The following FRMD4A variants were observed in gnomAD, a reference collection of about 807,000 sequenced individuals.
FRMD4A encodes the protein FERM domain containing 4A, also known as FERM domain-containing protein 4A.
A neutral mutation model predicts 129.1 loss-of-function variants in FRMD4A; 29 were observed. That is an observed-to-expected ratio of 0.22 (90% CI 0.17 to 0.31). The LOEUF (loss-of-function observed/expected upper bound fraction) is 0.31, where lower values mean the gene tolerates loss of function less well. Among genes scored for constraint, FRMD4A ranks in the 10% least tolerant of loss-of-function variants. The pLI is 1.00. For synonymous variants in FRMD4A, 634 were observed against 571.6 expected, an observed-to-expected ratio of 1.11 and a Z score of -1.56; for missense variants, 1,272 against 1,375.8, an observed-to-expected ratio of 0.92 and a Z score of 1.19.
intron 2 of FRMD4A, among the ~76,000 whole-genome samples, chr10:14,134,269 ATG>A (rs1839416833): frequency 6.6e-6 from 1 of 151,622 alleles, no homozygotes; most frequent in African/African-American, 2.4e-5. Flanking sequence ...GGATGGATGG[ATG>A]GATGGATGGA....
chr10:13,918,126 C>T (rs1413238341), intron 2 of FRMD4A, among the ~76,000 whole-genome samples: 2 of 152,198 alleles, frequency 1.3e-5, no homozygotes, highest in Non-Finnish European at 2.9e-5. Flanking sequence ...GTTTTCATTA[C>T]TTCCTATATT....
intron 12 of FRMD4A, among the ~76,000 whole-genome samples, chr10:13,736,352 G>T (rs77349569): frequency 6.6e-6 from 1 of 152,090 alleles, no homozygotes; most frequent in African/African-American, 2.4e-5. Flanking sequence ...GCCAGAAAAG[G>T]TAAGAACAGG....
chr10:14,167,473 G>A (rs1236524542), intron 2 of FRMD4A, among the ~76,000 whole-genome samples: 2 of 130,068 alleles, frequency 1.5e-5, no homozygotes, highest in Non-Finnish European at 3.1e-5. Context: ...GGAGGCAGAA[G>A]TTGCAGTGAG....
At chr10:14,176,553 C>T (rs1429329438) in intron 2 of FRMD4A, among the ~76,000 whole-genome samples, 1 of 139,918 alleles carries the variant, frequency 7.1e-6, no homozygotes, top group Non-Finnish European at 1.5e-5. Flanking sequence ...CAGCTCACTG[C>T]TATCTCCGCC....
At chr10:13,884,862 A>G (rs1267017291) in intron 2 of FRMD4A, among the ~76,000 whole-genome samples, 1 of 152,240 alleles carries the variant, frequency 6.6e-6, no homozygotes, top group Non-Finnish European at 1.5e-5. Context: ...GTGAAATATC[A>G]GAGCTAACAT....
intron 2 of FRMD4A, among the ~76,000 whole-genome samples, chr10:14,060,040 CA>C (rs1299091639): frequency 6.6e-6 from 1 of 152,220 alleles, no homozygotes; most frequent in African/African-American, 2.4e-5. Context: ...TCTAGTTCCA[CA>C]GTCTATACCT....
chr10:13,895,896 C>T (rs1372970888), intron 2 of FRMD4A, among the ~76,000 whole-genome samples: 1 of 152,154 alleles, frequency 6.6e-6, no homozygotes, highest in African/African-American at 2.4e-5. Flanking sequence ...GACATTTATG[C>T]AGCCAACAAA....
intron 2 of FRMD4A, among the ~76,000 whole-genome samples, chr10:14,053,761 A>G (rs1834372728): frequency 6.6e-6 from 1 of 152,116 alleles, no homozygotes; most frequent in African/African-American, 2.4e-5. Context: ...GCTCATGCCT[A>G]TAATGAAAGT....
chr10:14,109,005 G>C (rs1837731285), intron 2 of FRMD4A, among the ~76,000 whole-genome samples: 1 of 152,004 alleles, frequency 6.6e-6, no homozygotes, highest in Non-Finnish European at 1.5e-5. Flanking sequence ...GTACTTTCTT[G>C]ATAACATTCA....
chr10:13,984,685 C>T (rs949278519), intron 2 of FRMD4A, among the ~76,000 whole-genome samples: 5 of 152,286 alleles, frequency 3.3e-5, no homozygotes, highest in South Asian at 2.1e-4. Flanking sequence ...AGGGTTCATC[C>T]GTGGTGTAGC....
At chr10:14,306,908 A>C (rs1183138297) in intron 2 of FRMD4A, among the ~76,000 whole-genome samples, 2 of 152,218 alleles carry the variant, frequency 1.3e-5, no homozygotes, top group Non-Finnish European at 2.9e-5. Context: ...GAGAGAAGGC[A>C]GAGGAACTAA....
chr10:13,995,962 A>G (rs1197458064), intron 2 of FRMD4A, among the ~76,000 whole-genome samples: 1 of 152,098 alleles, frequency 6.6e-6, no homozygotes, highest in African/African-American at 2.4e-5. Context: ...ATGCTGCTAT[A>G]ACAAATCCCA....
intron 2 of FRMD4A, among the ~76,000 whole-genome samples, chr10:14,009,936 G>A (rs749500580): frequency 5.3e-5 from 8 of 152,148 alleles, no homozygotes; most frequent in Non-Finnish European, 1.0e-4. Flanking sequence ...CAGAGCATTG[G>A]CGGGGGGTGG....
At chr10:14,030,651 A>G (rs940038825) in intron 2 of FRMD4A, among the ~76,000 whole-genome samples, 9 of 152,188 alleles carry the variant, frequency 5.9e-5, no homozygotes, top group African/African-American at 2.2e-4. Context: ...TGCTCCAGCT[A>G]TCTCTTGGAG....
chr10:13,982,042 C>A (rs1008425061), intron 2 of FRMD4A, among the ~76,000 whole-genome samples: 14 of 152,186 alleles, frequency 9.2e-5, no homozygotes, highest in Admixed American at 5.9e-4. Flanking sequence ...CCTCATCCTC[C>A]CACAGGCGTA....
rs548992016 is a variant in FRMD4A, at chr10:14,073,732, C to A, written c.46-214820G>T. 2.0e-5 allele frequency among the ~76,000 whole-genome samples: 3 copies of A among 152,242 alleles called. No individual in the cohort carries two copies. The South Asian group carries it at 6.2e-4, about 32-fold the overall frequency. On this transcript the variant is annotated intron_variant, in intron 2 of 24. Coordinates refer to ENST00000357447, the MANE Select transcript of FRMD4A (RefSeq NM_018027.5). ...ACCACCACCGGGATCCTGTTGTGAC[C>A]TACCCACTGGTCAAGATGAAATCCC...
chr10:14,071,557 A>T (rs1302521291), intron 2 of FRMD4A, among the ~76,000 whole-genome samples: 1 of 152,240 alleles, frequency 6.6e-6, no homozygotes, highest in East Asian at 1.9e-4. Context: ...TTTAGGAAGA[A>T]AAAAAGACCT....
chr10:14,294,348 G>A (rs899188704), intron 2 of FRMD4A, among the ~76,000 whole-genome samples: 1 of 152,136 alleles, frequency 6.6e-6, no homozygotes, highest in South Asian at 2.1e-4. Flanking sequence ...TGCTTAGTGT[G>A]AACTAATAAA....
chr10:14,204,378 G>T (rs1480732238), intron 2 of FRMD4A, among the ~76,000 whole-genome samples: 1 of 151,996 alleles, frequency 6.6e-6, no homozygotes, highest in Admixed American at 6.6e-5. Context: ...GCACCGAACT[G>T]TGATCAGCCA....
Sources: allele counts gnomAD v4.1 joint callset (sites outside exome capture counted in the v4.1 genomes callset), GRCh38; gene constraint gnomAD v4.1.1; transcripts MANE v1.5; gene names NCBI Gene and HGNC (gene_info 2026-07-23, HGNC 2026-07-21).